SMURF1: variants seen among roughly 807,000 people sequenced by gnomAD.
SMURF1 encodes SMAD specific E3 ubiquitin protein ligase 1, also known as E3 ubiquitin-protein ligase SMURF1.
In SMURF1, 44 loss-of-function variants were observed where a neutral mutation model predicts 98.0. That is an observed-to-expected ratio of 0.45 (90% CI 0.35 to 0.58). The LOEUF (loss-of-function observed/expected upper bound fraction) is 0.58, where lower values mean the gene tolerates loss of function less well. Ranked by LOEUF, SMURF1 falls within the 20% of genes least tolerant of loss-of-function variation. SMURF1 has a pLI of 0.00. For missense variants in SMURF1, 687 were observed against 938.4 expected, an observed-to-expected ratio of 0.73 and a Z score of 3.50; for synonymous variants, 396 against 374.9, an observed-to-expected ratio of 1.06 and a Z score of -0.65.
In SMURF1 at chr7:99,030,696, A is replaced by G. The variant is rs1226839315; in HGVS notation, c.2097-13T>C. ...GATCCGGTTAAAGCTGAAAAAGGAC[A>G]AAAGAGAGTCACCGTGTGGGCAGTC... On this transcript the variant is annotated splice_polypyrimidine_tract_variant and intron_variant, in intron 17 of 17. Coordinates refer to ENST00000361368, the MANE Select transcript of SMURF1 (RefSeq NM_181349.3). 1 of 1,612,484 alleles carries G rather than the reference A, an allele frequency of 6.2e-7. No homozygotes were observed. The highest frequency in any genetic ancestry group is 8.5e-7 in the Non-Finnish European group (1 of 1,178,742).
intron 1 of SMURF1, among the ~76,000 whole-genome samples, chr7:99,113,618 A>T (rs1482442255): frequency 6.6e-6 from 1 of 152,022 alleles, no homozygotes; most frequent in Non-Finnish European, 1.5e-5. Context: ...AGGCGGGCAG[A>T]TCACAAGGTC....
intron 2 of SMURF1, 39 bp downstream of exon 2, chr7:99,061,760 A>G (rs141984924): frequency 1.6e-5 from 24 of 1,511,500 alleles, no homozygotes; most frequent in East Asian, 2.3e-5. Context: ...AAATACATGC[A>G]TAACATTATA....
At chr7:99,078,650 G>A (rs1342973333) in intron 1 of SMURF1, among the ~76,000 whole-genome samples, 2 of 152,168 alleles carry the variant, frequency 1.3e-5, no homozygotes, top group Middle Eastern at 3.2e-3. Flanking sequence ...CACATCAGCC[G>A]GGCAGCATTT....
Position 99,143,896 on chromosome 7 carries a change from G to A in SMURF1, c.-116C>T, listed in dbSNP as rs1798211310. The A allele has an allele frequency of 5.4e-6, 5 of 930,618 alleles. No individual in the cohort carries two copies. The highest frequency in any genetic ancestry group is 2.3e-5 in the South Asian group (1 of 43,722). 57.6% of individuals were successfully genotyped at this position (930,618 alleles called of 1,614,324 possible). On this transcript the variant is annotated 5_prime_UTR_variant, in exon 1 of 18. Transcript: ENST00000361368. Reference sequence around the variant, plus strand: ...GGCTCCGGGCTGGGCGCCGGGGTCCGAGCCGGGACACAAACTCCGCGGCCC... The same window carrying A: ...GGCTCCGGGCTGGGCGCCGGGGTCCAAGCCGGGACACAAACTCCGCGGCCC...
At chr7:99,054,700 G>A in intron 6 of SMURF1, 90 bp downstream of exon 6, 1 of 1,042,662 alleles carries the variant, frequency 9.6e-7, no homozygotes, top group Admixed American at 1.8e-5. Flanking sequence ...ATTCTGCAGA[G>A]TGACTTAAGG....
chr7:99,057,040 A>T (rs900633934), intron 5 of SMURF1, among the ~76,000 whole-genome samples, 165 bp downstream of exon 5: 1 of 151,796 alleles, frequency 6.6e-6, no homozygotes, highest in African/African-American at 2.4e-5. Flanking sequence ...AATAATAAAA[A>T]CTACACAAGA....
chr7:99,141,461 T>C (rs1007789349), intron 1 of SMURF1, among the ~76,000 whole-genome samples: 10 of 152,328 alleles, frequency 6.6e-5, no homozygotes, highest in African/African-American at 2.4e-4. Flanking sequence ...TTTACAAGTA[T>C]TACAATCTCA....
At chr7:99,042,005 ACTGT>A (rs1795404997) in intron 12 of SMURF1, 109 bp downstream of exon 12, 1 of 817,742 alleles carries the variant, frequency 1.2e-6, no homozygotes, top group Non-Finnish European at 2.0e-6. Flanking sequence ...TTTGCTTACC[ACTGT>A]CTTTGATTAA....
At chr7:99,037,491 G>A (rs988812525) in intron 14 of SMURF1, among the ~76,000 whole-genome samples, 8 of 152,088 alleles carry the variant, frequency 5.3e-5, no homozygotes, top group Non-Finnish European at 8.8e-5. Flanking sequence ...CGCCCGCCTC[G>A]GTCTCCCAAA....
At chr7:99,097,632 TAAGA>T (rs1262713631) in intron 1 of SMURF1, among the ~76,000 whole-genome samples, 1 of 152,168 alleles carries the variant, frequency 6.6e-6, no homozygotes, top group Non-Finnish European at 1.5e-5. Flanking sequence ...TCGAGAACTG[TAAGA>T]AATAAACTTC....
chr7:99,043,370 C>CT (rs1795456532), intron 11 of SMURF1, among the ~76,000 whole-genome samples: 1 of 152,198 alleles, frequency 6.6e-6, no homozygotes, highest in South Asian at 2.1e-4. Context: ...CCACCGTTCT[C>CT]TAAGTATCAT....
intron 15 of SMURF1, 40 bp from the exon 16 acceptor site, chr7:99,035,756 T>C (rs373399936): frequency 5.9e-5 from 94 of 1,595,740 alleles, no homozygotes; most frequent in Non-Finnish European, 7.4e-5. Flanking sequence ...CCAAAATGCA[T>C]AAACCCACGT....
intron 1 of SMURF1, among the ~76,000 whole-genome samples, chr7:99,066,092 T>C (rs976961832): frequency 6.6e-6 from 1 of 151,860 alleles, no homozygotes; most frequent in African/African-American, 2.4e-5. Flanking sequence ...TCTCCCTTTT[T>C]CCTCTGAATC....
intron 1 of SMURF1, among the ~76,000 whole-genome samples, chr7:99,075,694 TATC>T (rs1161672261): frequency 6.6e-6 from 1 of 151,584 alleles, no homozygotes; most frequent in Non-Finnish European, 1.5e-5. Context: ...CAGCTCAGAG[TATC>T]ACACACAGGT....
At chr7:99,035,866 G>A (rs1194679904) in intron 15 of SMURF1, 150 bp from the exon 16 acceptor site, 3 of 754,134 alleles carry the variant, frequency 4.0e-6, no homozygotes, top group Non-Finnish European at 6.4e-6. Context: ...CAGGAAGAAA[G>A]CTACAAACAG....
intron 1 of SMURF1, among the ~76,000 whole-genome samples, chr7:99,126,432 C>T (rs1427595564): frequency 6.7e-6 from 1 of 150,044 alleles, no homozygotes; most frequent in African/African-American, 2.5e-5. Flanking sequence ...CTGAGGCAGG[C>T]GGATCACGAG....
intron 11 of SMURF1, chr7:99,045,437 C>T: frequency 2.1e-6 from 1 of 473,042 alleles, no homozygotes; most frequent in East Asian, 3.3e-5. Flanking sequence ...AAGTTTAATT[C>T]TAGCTTTACA....
chr7:99,108,611 C>CAAAAAAA (rs11458541), intron 1 of SMURF1, among the ~76,000 whole-genome samples: 9 of 58,556 alleles, frequency 1.5e-4, no homozygotes, highest in Admixed American at 2.9e-4. Context: ...AACTCTGTCT[C>CAAAAAAA]AAAAAAAAAA....
Position 99,049,632 on chromosome 7 carries a change from C to T in SMURF1, c.884G>A (p.Arg295Lys). 2.5e-6 allele frequency: 4 copies of T among 1,614,118 alleles called. No individual in the cohort carries two copies. Among genetic ancestry groups the T allele is most frequent in the Non-Finnish European group, 3.4e-6 (4 of 1,179,982 alleles). ...GWEVRSTVSG[R>K]IYFVDHNNRT... ...GTTATTATGATCTACAAAATATATCCTCCCAGAAACTGTACTTCTGACTTC... is the reference window on the plus strand; with the variant it reads ...GTTATTATGATCTACAAAATATATCTTCCCAGAAACTGTACTTCTGACTTC... The change falls in exon 9 of 18, where the codon AGG becomes AAG. Residue 295 changes from arginine (R) to lysine (K), a missense_variant. Arg to Lys is a conservative substitution (Grantham distance 26). This residue lies in a region of SMURF1 where 415 missense variants were observed against 508.4 expected (regional missense o/e 0.82). Transcript: ENST00000361368.
Sources: allele counts gnomAD v4.1 joint callset (sites outside exome capture counted in the v4.1 genomes callset), GRCh38; gene constraint gnomAD v4.1.1; regional missense constraint gnomAD v4.1.1; transcripts MANE v1.5; gene names NCBI Gene and HGNC (gene_info 2026-07-23, HGNC 2026-07-21).